The following EPB41 variants were observed in gnomAD, a reference collection of about 807,000 sequenced individuals.
The protein encoded by EPB41 is protein 4.1.
In EPB41, 65 loss-of-function variants were observed where a neutral mutation model predicts 108.0. The ratio of observed to expected loss-of-function variants is 0.60; its 90% confidence interval spans 0.49 to 0.74. The LOEUF (loss-of-function observed/expected upper bound fraction) is 0.74, where lower values mean the gene tolerates loss of function less well. Among genes scored for constraint, EPB41 ranks in the 30% least tolerant of loss-of-function variants. The pLI, the probability that EPB41 is intolerant of heterozygous loss-of-function variation, is 0.00. For synonymous variants in EPB41, 336 were observed against 358.9 expected (o/e 0.94, Z 0.72); for missense variants, 875 against 1,037.0 (o/e 0.84, Z 2.15).
intron 4 of EPB41, among the ~76,000 whole-genome samples, chr1:29,000,691 T>TA (rs2149739796): frequency 6.6e-6 from 1 of 152,318 alleles, no homozygotes; most frequent in South Asian, 2.1e-4. Context: ...AGTCAGGGCA[T>TA]CGACAGGTCT....
At chr1:28,932,842 T>G (rs979535922) in intron 1 of EPB41, among the ~76,000 whole-genome samples, 6 of 152,158 alleles carry the variant, frequency 3.9e-5, no homozygotes, top group African/African-American at 1.4e-4. Flanking sequence ...TTGGGGTAGC[T>G]TTCTGGAGGT....
intron 16 of EPB41, among the ~76,000 whole-genome samples, chr1:29,076,369 A>G (rs191293862): frequency 1.1e-4 from 17 of 152,304 alleles, no homozygotes; most frequent in African/African-American, 2.6e-4. Flanking sequence ...CAGCTTCTTC[A>G]TAGATAACTT....
chr1:29,051,889 C>A (rs1644586809), intron 11 of EPB41, among the ~76,000 whole-genome samples: 2 of 88,264 alleles, frequency 2.3e-5, no homozygotes, highest in African/African-American at 1.1e-4. Flanking sequence ...CAGGGCAAGA[C>A]TCCATCTTAA....
At chr1:29,062,290 G>C (rs1362284271) in intron 15 of EPB41, among the ~76,000 whole-genome samples, 1 of 152,174 alleles carries the variant, frequency 6.6e-6, no homozygotes, top group Non-Finnish European at 1.5e-5. Context: ...TTCGTCTTCA[G>C]TGCTTCCTCT....
intron 1 of EPB41, among the ~76,000 whole-genome samples, chr1:28,942,427 G>A (rs1235295803): frequency 6.6e-6 from 1 of 152,232 alleles, no homozygotes; most frequent in Non-Finnish European, 1.5e-5. Context: ...TGCTAGAGGG[G>A]CTCACAGAAC....
At chr1:29,003,579 C>G (rs890369266) in intron 4 of EPB41, among the ~76,000 whole-genome samples, 7 of 152,060 alleles carry the variant, frequency 4.6e-5, no homozygotes, top group African/African-American at 1.7e-4. Flanking sequence ...CTGGTGTCTT[C>G]TTTTTGTATA....
chr1:29,017,514 C>T (rs1182437101), intron 6 of EPB41, among the ~76,000 whole-genome samples: 4 of 152,132 alleles, frequency 2.6e-5, no homozygotes, highest in Non-Finnish European at 5.9e-5. Context: ...GTTTTAACTG[C>T]AAACTGTGCA....
chr1:29,054,100 G>A (rs1644961460), intron 12 of EPB41: 1 of 152,174 alleles, frequency 6.6e-6, no homozygotes, highest in Non-Finnish European at 1.5e-5. Context: ...TTACAAAAAG[G>A]AGAAGATTCA....
chr1:28,922,214 C>T (rs536960511), intron 1 of EPB41, among the ~76,000 whole-genome samples: 32 of 151,698 alleles, frequency 2.1e-4, no homozygotes, highest in Admixed American at 1.4e-3. Flanking sequence ...CTGGTCCGCC[C>T]GCCTTGGCCT....
intron 7 of EPB41, among the ~76,000 whole-genome samples, chr1:29,025,870 A>G (rs2096712358): frequency 6.6e-6 from 1 of 151,044 alleles, no homozygotes; most frequent in South Asian, 2.1e-4. Flanking sequence ...TGGCATGAAG[A>G]GTCAGAGCTC....
chr1:29,022,740 G>T (rs1454038177), intron 7 of EPB41, among the ~76,000 whole-genome samples: 2 of 151,834 alleles, frequency 1.3e-5, no homozygotes, highest in African/African-American at 4.8e-5. Flanking sequence ...AGAAAAAAGA[G>T]TGTTTTAAAT....
In EPB41 at chr1:29,053,270, G is replaced by A. The variant is rs1428027432; in HGVS notation, c.1803G>A (p.Glu601=). Residue 601 remains glutamate, a synonymous_variant, in exon 12 of 21, where the codon GAG becomes GAA. Coordinates refer to ENST00000343067, the MANE Select transcript of EPB41 (RefSeq NM_001376013.1). ...TVKAEVKKED[E]PPEQAEPEPT... is the part of the protein sequence containing the mutation. Reference sequence around the variant, plus strand: ...AGGCTGAAGTGAAAAAGGAAGACGAGCCACCTGAGCAAGCTGAGCCAGAGC... The same window carrying A: ...AGGCTGAAGTGAAAAAGGAAGACGAACCACCTGAGCAAGCTGAGCCAGAGC... 3 of 1,614,158 alleles carry A rather than the reference G, an allele frequency of 1.9e-6. No individual in the cohort carries two copies. The highest frequency in any genetic ancestry group is 4.5e-5 in the East Asian group (2 of 44,890).
At chr1:28,991,155 A>T (rs889860556) in intron 2 of EPB41, among the ~76,000 whole-genome samples, 1 of 149,902 alleles carries the variant, frequency 6.7e-6, no homozygotes, top group Non-Finnish European at 1.5e-5. Context: ...AGAATTTTTT[A>T]AAAAGCGTGT....
At chr1:29,074,202 T>G (rs1180811098) in intron 16 of EPB41, among the ~76,000 whole-genome samples, 1 of 152,204 alleles carries the variant, frequency 6.6e-6, no homozygotes, top group Non-Finnish European at 1.5e-5. Context: ...TTGAATACAG[T>G]AAAGACATAC....
intron 16 of EPB41, chr1:29,097,360 C>T (rs1386609097): frequency 5.0e-5 from 9 of 181,682 alleles, no homozygotes; most frequent in African/African-American, 1.2e-4. Context: ...TTAATGAATT[C>T]GAGGGTAATG....
At position 29,065,230 on chromosome 1, in the gene EPB41, A is replaced by G. The variant is rs561978479; in HGVS notation, c.2184+72A>G. On this transcript the variant is annotated intron_variant, in intron 16 of 20. Coordinates refer to ENST00000343067, the MANE Select transcript of EPB41 (RefSeq NM_001376013.1). ...ATGTTTTTATGTATTAATATTCTGTATCTGAGAGAAAGCTTAGAGCTGAAA... is the reference window on the plus strand; with the variant it reads ...ATGTTTTTATGTATTAATATTCTGTGTCTGAGAGAAAGCTTAGAGCTGAAA... The G allele has an allele frequency of 5.1e-5, 74 of 1,464,912 alleles. No individual in the cohort carries two copies. In the Middle Eastern group the frequency reaches 9.2e-4, roughly 18 times the overall value. 90.7% of individuals were successfully genotyped at this position (1,464,912 alleles called of 1,614,324 possible).
intron 1 of EPB41, among the ~76,000 whole-genome samples, chr1:28,977,524 G>A (rs1213098638): frequency 1.3e-5 from 2 of 151,864 alleles, no homozygotes; most frequent in South Asian, 2.1e-4. Flanking sequence ...GAGATGGAAC[G>A]GTAACTCGTC....
intron 16 of EPB41, chr1:29,097,472 G>A (rs973439030): frequency 1.4e-5 from 5 of 362,848 alleles, no homozygotes; most frequent in African/African-American, 1.0e-4. Context: ...ACAAATCAAA[G>A]TGATTGCTAT....
At chr1:28,967,844 G>A (rs1378187266) in intron 1 of EPB41, among the ~76,000 whole-genome samples, 1 of 129,786 alleles carries the variant, frequency 7.7e-6, no homozygotes, top group Non-Finnish European at 1.6e-5. Context: ...TTCCTCTGTC[G>A]CCCAGGCTGG....
Sources: gnomAD v4.1 joint callset for allele counts (sites outside exome capture counted in the v4.1 genomes callset) on GRCh38, gnomAD v4.1.1 for gene constraint, MANE v1.5 for transcripts, NCBI Gene and HGNC (gene_info 2026-07-23, HGNC 2026-07-21) for gene names.